The following INSC variants were observed in gnomAD, a reference collection of about 807,000 sequenced individuals.
INSC encodes protein inscuteable homolog.
Under a neutral mutation model 58.6 loss-of-function variants are expected in INSC, and 67 were observed. That is an observed-to-expected ratio of 1.14 (90% confidence interval 0.94 to 1.40). The LOEUF (loss-of-function observed/expected upper bound fraction) is 1.40. Ranked by LOEUF, INSC falls within the 40% of genes most tolerant of loss-of-function variation. The probability of loss-of-function intolerance (pLI) is 0.00; values close to 1 mark genes in which losing one functional copy is unlikely to be tolerated. For synonymous variants in INSC, 262 were observed against 276.1 expected (o/e 0.95, Z 0.51); for missense variants, 714 against 692.0 (o/e 1.03, Z -0.36).
chr11:15,191,666 A>C (rs1395405588), intron 6 of INSC, among the ~76,000 whole-genome samples: 1 of 152,190 alleles, frequency 6.6e-6, no homozygotes, highest in Non-Finnish European at 1.5e-5. Flanking sequence ...CTGCCATAAC[A>C]ACCTATACCC....
In INSC at chr11:15,221,538, G is replaced by A. The variant is rs946093233; in HGVS notation, c.881G>A (p.Arg294Gln). 9.9e-6 allele frequency: 16 copies of A among 1,613,880 alleles called. No individual in the cohort carries two copies. The South Asian group carries it at 1.1e-4, about 11-fold the overall frequency. Residue 294 changes from arginine (R) to glutamine (Q), a missense_variant, in exon 8 of 13, where the codon CGG becomes CAG. Transcript: ENST00000379556. Reference protein sequence around the residue: ...LTDNSHSEATRAEAAAVVAQV... With the variant: ...LTDNSHSEATQAEAAAVVAQV... ...GACAACAGCCACTCAGAGGCCACAC[G>A]GGCTGAGGCTGCGGCTGTGGTGGCC... is the stretch of plus-strand genomic sequence containing the variant.
chr11:15,127,685 G>C (rs889708757), intron 1 of INSC, among the ~76,000 whole-genome samples: 2 of 152,224 alleles, frequency 1.3e-5, no homozygotes, highest in African/African-American at 4.8e-5. Context: ...TGGGGAGGCA[G>C]TGGTGTTTTC....
At chr11:15,154,220 T>C (rs559854689) in intron 2 of INSC, among the ~76,000 whole-genome samples, 41 of 152,360 alleles carry the variant, frequency 2.7e-4, no homozygotes, top group African/African-American at 9.9e-4. Flanking sequence ...AAGTGATTGT[T>C]GAGTAAATAA....
At chr11:15,215,374 T>C (rs892022577) in intron 7 of INSC, among the ~76,000 whole-genome samples, 2 of 152,226 alleles carry the variant, frequency 1.3e-5, no homozygotes, top group African/African-American at 4.8e-5. Context: ...AAATGGGACT[T>C]GTGTTTGGGG....
intron 2 of INSC, among the ~76,000 whole-genome samples, chr11:15,159,803 C>A (rs1196666908): frequency 1.3e-5 from 2 of 152,174 alleles, no homozygotes; most frequent in Non-Finnish European, 2.9e-5. Context: ...TGAGAATCAA[C>A]TGAGATAATA....
intron 7 of INSC, among the ~76,000 whole-genome samples, chr11:15,214,985 A>G (rs1445305457): frequency 6.6e-6 from 1 of 152,170 alleles, no homozygotes; most frequent in Non-Finnish European, 1.5e-5. Context: ...TTCTTTATAA[A>G]TCACCCAGTC....
intron 1 of INSC, among the ~76,000 whole-genome samples, chr11:15,122,737 C>T (rs1385787310): frequency 1.3e-5 from 2 of 152,146 alleles, no homozygotes; most frequent in African/African-American, 2.4e-5. Flanking sequence ...CAGCATCATC[C>T]TAGTTCATGG....
intron 11 of INSC, among the ~76,000 whole-genome samples, chr11:15,240,011 G>A (rs943083251): frequency 6.6e-6 from 1 of 152,144 alleles, no homozygotes; most frequent in Non-Finnish European, 1.5e-5. Flanking sequence ...ATCGTATAAT[G>A]AGGGTGTCTT....
chr11:15,263,844 T>G, the INSC span, among the ~76,000 whole-genome samples: 1 of 152,154 alleles, frequency 6.6e-6, no homozygotes, highest in Non-Finnish European at 1.5e-5. Context: ...AAGTTCCTGT[T>G]TCTTTGCTGG....
intron 2 of INSC, 145 bp downstream of exon 2, chr11:15,149,375 T>C (rs1848579711): frequency 2.6e-6 from 2 of 780,630 alleles, no homozygotes; most frequent in East Asian, 6.5e-5. Flanking sequence ...GTATTGGGGA[T>C]GTCATGTTCA....
intron 7 of INSC, 42 bp from the exon 8 acceptor site, chr11:15,221,435 C>A (rs1296113113): frequency 1.3e-6 from 2 of 1,566,516 alleles, no homozygotes; most frequent in Non-Finnish European, 1.7e-6. Flanking sequence ...GCAGTGGTGT[C>A]CACCCAGGAT....
intron 2 of INSC, among the ~76,000 whole-genome samples, chr11:15,150,126 T>C (rs1019071536): frequency 6.6e-6 from 1 of 152,196 alleles, no homozygotes; most frequent in African/African-American, 2.4e-5. Flanking sequence ...TTTAATACGT[T>C]CAAAGCCTAG....
chr11:15,246,163 G>A lies in INSC; in HGVS notation c.*123G>A, dbSNP rs1852557414. On this transcript the variant is annotated 3_prime_UTR_variant, in exon 13 of 13. Transcript: ENST00000379556. ...TTATTTATACTTAACTTATTTTTGTGTGAAATAAATGGAGGACAAAATCTT... is the reference window on the plus strand; with the variant it reads ...TTATTTATACTTAACTTATTTTTGTATGAAATAAATGGAGGACAAAATCTT... The A allele has an allele frequency of 2.8e-6, 3 of 1,073,074 alleles. No individual in the cohort carries two copies. Among genetic ancestry groups the A allele is most frequent in the Non-Finnish European group, 3.9e-6 (3 of 767,792 alleles). The allele number at this position is 1,073,074 out of a possible 1,614,324, so 66.5% of individuals were successfully genotyped here.
At chr11:15,118,618 A>G (rs1274059561) in intron 1 of INSC, among the ~76,000 whole-genome samples, 2 of 152,168 alleles carry the variant, frequency 1.3e-5, no homozygotes, top group Non-Finnish European at 2.9e-5. Context: ...GTGGCTTGGT[A>G]TGGGTGAGGT....
intron 9 of INSC, among the ~76,000 whole-genome samples, chr11:15,231,600 C>G (rs539105434): frequency 1.3e-5 from 2 of 152,162 alleles, no homozygotes; most frequent in African/African-American, 4.8e-5. Flanking sequence ...AGAGTTAACA[C>G]GGTGATAATA....
At chr11:15,228,396 C>A (rs912417479) in intron 9 of INSC, among the ~76,000 whole-genome samples, 9 of 152,212 alleles carry the variant, frequency 5.9e-5, no homozygotes, top group African/African-American at 2.2e-4. Context: ...GTTCTCTCTG[C>A]ACCTGGAGTC....
intron 5 of INSC, among the ~76,000 whole-genome samples, chr11:15,181,372 C>G (rs1849771700): frequency 6.6e-6 from 1 of 152,236 alleles, no homozygotes; most frequent in Admixed American, 6.5e-5. Flanking sequence ...TCTTTTAGCA[C>G]TAAGAAGTCG....
At chr11:15,138,012 T>C (rs1253235932) in intron 1 of INSC, among the ~76,000 whole-genome samples, 1 of 152,138 alleles carries the variant, frequency 6.6e-6, no homozygotes, top group Admixed American at 6.5e-5. Context: ...GAGGGCATTG[T>C]AGGGTTTGTA....
At chr11:15,145,941 C>T (rs547496674) in intron 1 of INSC, among the ~76,000 whole-genome samples, 7 of 152,300 alleles carry the variant, frequency 4.6e-5, no homozygotes, top group Non-Finnish European at 8.8e-5. Flanking sequence ...AACACAGGCT[C>T]TTATCTTCAT....
Sources: allele counts gnomAD v4.1 joint callset (sites outside exome capture counted in the v4.1 genomes callset), GRCh38; gene constraint gnomAD v4.1.1; transcripts MANE v1.5; gene names NCBI Gene and HGNC (gene_info 2026-07-23, HGNC 2026-07-21).